Variants in SRBD1 observed in about 807,000 individuals in gnomAD.
SRBD1 encodes S1 RNA-binding domain-containing protein 1.
Under a neutral mutation model 115.3 loss-of-function variants are expected in SRBD1, and 88 were observed. The observed-to-expected ratio is 0.76, with a 90% CI of 0.64 to 0.91. The LOEUF (loss-of-function observed/expected upper bound fraction) is 0.91. Among genes scored for constraint, SRBD1 ranks in the 40% least tolerant of loss-of-function variants. The probability of loss-of-function intolerance (pLI) is 0.00; values close to 1 mark genes in which losing one functional copy is unlikely to be tolerated. For synonymous variants in SRBD1, 509 were observed against 407.7 expected, an observed-to-expected ratio of 1.25 and a Z score of -2.99; for missense variants, 1,385 against 1,177.4, an observed-to-expected ratio of 1.18 and a Z score of -2.58.
At chr2:45,432,256 C>T (rs1234323834) in intron 16 of SRBD1, among the ~76,000 whole-genome samples, 1 of 151,926 alleles carries the variant, frequency 6.6e-6, no homozygotes, top group Non-Finnish European at 1.5e-5. Context: ...CTTGAACTCC[C>T]GACCTCAGGT....
intron 4 of SRBD1, among the ~76,000 whole-genome samples, chr2:45,588,937 A>T (rs1437176346): frequency 1.3e-5 from 2 of 152,196 alleles, no homozygotes; most frequent in East Asian, 1.9e-4. Context: ...AATCAAAAGC[A>T]TTCTAATCAA....
chr2:45,564,003 CA>C (rs1171867565), intron 9 of SRBD1, among the ~76,000 whole-genome samples: 1 of 152,084 alleles, frequency 6.6e-6, no homozygotes, highest in African/African-American at 2.4e-5. Context: ...AAGAAAACTA[CA>C]AACCAATATC....
intron 14 of SRBD1, among the ~76,000 whole-genome samples, chr2:45,545,309 A>C (rs1315923092): frequency 3.8e-5 from 5 of 130,880 alleles, no homozygotes; most frequent in African/African-American, 8.1e-5. Flanking sequence ...AAAAAAAAAA[A>C]AAAAAACAGA....
intron 16 of SRBD1, among the ~76,000 whole-genome samples, chr2:45,446,240 C>G (rs1026526720): frequency 6.6e-6 from 1 of 152,148 alleles, no homozygotes; most frequent in African/African-American, 2.4e-5. Context: ...GCCATGGGAA[C>G]GACAGCATAA....
chr2:45,528,494 T>C (rs745332937), intron 14 of SRBD1, among the ~76,000 whole-genome samples: 11 of 151,754 alleles, frequency 7.2e-5, no homozygotes, highest in African/African-American at 1.2e-4. Flanking sequence ...TATAAAAGAA[T>C]TTAAAAAACA....
chr2:45,537,875 G>T (rs924714390), intron 14 of SRBD1, among the ~76,000 whole-genome samples: 1 of 152,186 alleles, frequency 6.6e-6, no homozygotes, highest in African/African-American at 2.4e-5. Flanking sequence ...AAAAGTACAA[G>T]AGGAAGGCAA....
At chr2:45,476,810 G>A (rs536198106) in intron 16 of SRBD1, among the ~76,000 whole-genome samples, 183 bp downstream of exon 16, 6 of 152,180 alleles carry the variant, frequency 3.9e-5, no homozygotes, top group South Asian at 2.1e-4. Context: ...TCATTAACAC[G>A]AGAACAACAA....
At chr2:45,410,748 G>A (rs1027677599) in intron 19 of SRBD1, among the ~76,000 whole-genome samples, 32 of 152,250 alleles carry the variant, frequency 2.1e-4, no homozygotes, top group African/African-American at 7.2e-4. Context: ...ATCACTAATG[G>A]CCAATGATTC....
chr2:45,601,031 A>G (rs1674075874), intron 3 of SRBD1, among the ~76,000 whole-genome samples: 1 of 152,206 alleles, frequency 6.6e-6, no homozygotes, highest in Non-Finnish European at 1.5e-5. Flanking sequence ...AGACATAAAG[A>G]TAAAATAACT....
chr2:45,503,960 TTA>T (rs943834814), intron 14 of SRBD1, among the ~76,000 whole-genome samples: 1 of 152,142 alleles, frequency 6.6e-6, no homozygotes, highest in Non-Finnish European at 1.5e-5. Context: ...GAATCCTTCT[TTA>T]TATAACTCAA....
chr2:45,522,490 G>C (rs1454183803), intron 14 of SRBD1, among the ~76,000 whole-genome samples: 1 of 152,176 alleles, frequency 6.6e-6, no homozygotes, highest in Admixed American at 6.5e-5. Flanking sequence ...CCCAAAATCT[G>C]AGCACAAACA....
At chr2:45,503,787 TTC>T (rs1670712773) in intron 14 of SRBD1, among the ~76,000 whole-genome samples, 1 of 152,182 alleles carries the variant, frequency 6.6e-6, no homozygotes, top group Non-Finnish European at 1.5e-5. Flanking sequence ...TGCATGGTTT[TTC>T]CTTAGTGATT....
chr2:45,467,921 G>A (rs1404695717), intron 16 of SRBD1, among the ~76,000 whole-genome samples: 1 of 152,074 alleles, frequency 6.6e-6, no homozygotes, highest in African/African-American at 2.4e-5. Flanking sequence ...ATTTGACCAA[G>A]CTTTCCTGCA....
intron 14 of SRBD1, among the ~76,000 whole-genome samples, chr2:45,492,766 G>T (rs1272606182): frequency 6.6e-6 from 1 of 151,940 alleles, no homozygotes; most frequent in Non-Finnish European, 1.5e-5. Context: ...TAAATTACTG[G>T]GCTAACAGTT....
At chr2:45,455,822 A>G (rs564665328) in intron 16 of SRBD1, among the ~76,000 whole-genome samples, 1 of 152,028 alleles carries the variant, frequency 6.6e-6, no homozygotes, top group Admixed American at 6.6e-5. Flanking sequence ...CCCTGGAATT[A>G]AACAGCAAAT....
At chr2:45,403,388 G>A (rs530556366) in intron 19 of SRBD1, among the ~76,000 whole-genome samples, 1 of 151,510 alleles carries the variant, frequency 6.6e-6, no homozygotes, top group African/African-American at 2.4e-5. Context: ...TTCTACTGAA[G>A]TTATCAGTTC....
At chr2:45,584,393 T>C (rs1673453344) in intron 5 of SRBD1, among the ~76,000 whole-genome samples, 1 of 152,326 alleles carries the variant, frequency 6.6e-6, no homozygotes, top group African/African-American at 2.4e-5. Flanking sequence ...TTTATATTTT[T>C]ACATTGGCAA....
chr2:45,503,822 C>A (rs1572710292), intron 14 of SRBD1, among the ~76,000 whole-genome samples: 1 of 151,948 alleles, frequency 6.6e-6, no homozygotes, highest in East Asian at 1.9e-4. Flanking sequence ...AAAGCAAATC[C>A]AAAGAGGAGG....
At chr2:45,410,805 G>A (rs1017225367) in intron 19 of SRBD1, among the ~76,000 whole-genome samples, 1 of 152,186 alleles carries the variant, frequency 6.6e-6, no homozygotes, top group Non-Finnish European at 1.5e-5. Context: ...AAAGGCCTGG[G>A]TTCCAATGAG....
Sources: allele counts gnomAD v4.1 joint callset (sites outside exome capture counted in the v4.1 genomes callset), GRCh38; gene constraint gnomAD v4.1.1; transcripts MANE v1.5; gene names NCBI Gene and HGNC (gene_info 2026-07-23, HGNC 2026-07-21).